The following PGF variants were observed in gnomAD, a reference collection of about 807,000 sequenced individuals.
PGF encodes the protein placental growth factor.
Under a neutral mutation model 25.3 loss-of-function variants are expected in PGF, and 11 were observed. The ratio of observed to expected loss-of-function variants is 0.43; its 90% CI spans 0.27 to 0.72. PGF has a LOEUF of 0.72. Among genes scored for constraint, PGF ranks in the 30% least tolerant of loss-of-function variants. PGF has a pLI of 0.18. For synonymous variants in PGF, 105 were observed against 97.9 expected (o/e 1.07, Z -0.43); for missense variants, 230 against 234.9 (o/e 0.98, Z 0.14).
At position 74,942,713 on chromosome 14, in the gene PGF, C is replaced by G. The variant is rs151145980; in HGVS notation, c.506G>C (p.Arg169Pro). 3 of 1,611,484 alleles carry G rather than the reference C, an allele frequency of 1.9e-6. No individual in the cohort carries two copies. The highest frequency in any genetic ancestry group is 1.1e-5 in the South Asian group (1 of 90,904). The part of the protein sequence containing the change: ...DCHLCGDAVP[R>P]R ...TCTCCTCCAAGGGGTGGGTTACCTC[C>G]GGGGAACAGCATCGCCGCACCTGCC... Residue 169 changes from arginine to proline, a missense_variant, in exon 7 of 7, where the codon CGG becomes CCG. Physicochemically the swap from Arg to Pro is moderately radical, Grantham distance 103. Coordinates refer to ENST00000555567, the MANE Select transcript of PGF (RefSeq NM_002632.6).
chr14:74,949,281 G>A, intron 3 of PGF, 76 bp downstream of exon 3: 2 of 1,229,004 alleles, frequency 1.6e-6, no homozygotes, highest in Middle Eastern at 2.0e-4. Context: ...CCTGGGACCT[G>A]GGCCTATCTT....
chr14:74,954,925 C>CCTCCCTCA lies in PGF; in HGVS notation c.75+242_75+243insTGAGGGAG, dbSNP rs1450869811. Among the ~76,000 whole-genome samples, 247 of 151,538 alleles carry CCTCCCTCA rather than the reference C, an allele frequency of 1.6e-3. 1 individual carries two copies. Among genetic ancestry groups the CCTCCCTCA allele is most frequent in the African/African-American group, 5.6e-3 (231 of 41,352 alleles). On this transcript the variant is annotated intron_variant, in intron 1 of 6. Transcript: ENST00000555567. Reference sequence around the variant, plus strand: ...AGGGCTCCAGGGGCCAGACAGGAAACCTCCCTCCCTCCCTCCCTCCCTGTG... The same window carrying CCTCCCTCA: ...AGGGCTCCAGGGGCCAGACAGGAAACCTCCCTCACTCCCTCCCTCCCTCCCTCCCTGTG...
At position 74,946,813 on chromosome 14, in the gene PGF, G is replaced by A. The variant is rs534200492; in HGVS notation, c.393-405C>T. 118 of 738,022 alleles carry A rather than the reference G, an allele frequency of 1.6e-4. No homozygotes were observed. The East Asian group carries it at 1.9e-3, about 12-fold the overall frequency. The allele number at this position is 738,022 out of a possible 1,614,324, so 45.7% of individuals were successfully genotyped here. A position where few individuals can be genotyped will look rare whatever the true frequency, so the allele number is the denominator to read the frequency against. On this transcript the variant is annotated intron_variant, in intron 4 of 6. Transcript: ENST00000555567. ...GGACAGGAGATGATGGCCAGACAGC[G>A]GACTGGCTGCCTGTCAGGGCACAGC... is the stretch of plus-strand genomic sequence containing the variant.
chr14:74,950,129 T>C lies in PGF; in HGVS notation c.119-576A>G, dbSNP rs1888840298. 6.6e-6 allele frequency among the ~76,000 whole-genome samples: 1 copy of C among 152,094 alleles called. No individual in the cohort carries two copies. The highest frequency in any genetic ancestry group is 1.5e-5 in the Non-Finnish European group (1 of 68,028). On this transcript the variant is annotated intron_variant, in intron 2 of 6. Coordinates refer to ENST00000555567, the MANE Select transcript of PGF (RefSeq NM_002632.6). The surrounding 1 kb of genome is among the most constrained non-coding windows in gnomAD (Gnocchi z 4.1). ...TGAGCCACGGCAGCACCACATTCAC[T>C]CCCAGCTCTGGCTTGTGCACTCTGC...
At chr14:74,949,186 T>A (rs1462117425) in intron 3 of PGF, among the ~76,000 whole-genome samples, 171 bp downstream of exon 3, 1 of 151,954 alleles carries the variant, frequency 6.6e-6, no homozygotes, top group Admixed American at 6.6e-5. Flanking sequence ...TGGAGATGAG[T>A]GGGCTCAGAG....
rs184639262 is a variant in PGF, at chr14:74,950,760, G to T, written c.119-1207C>A. 1.3e-4 allele frequency among the ~76,000 whole-genome samples: 20 copies of T among 152,316 alleles called. No homozygotes were observed. The East Asian group carries it at 2.3e-3, about 18-fold the overall frequency. On this transcript the variant is annotated intron_variant, in intron 2 of 6. Transcript: ENST00000555567. This position sits in a 1 kb window ranked among gnomAD's most constrained non-coding sequence, Gnocchi z 4.1. ...AAGGTCTTTCCCTCTCTGACCAACC[G>T]CCTGTGAATCAGTGCCTGCAACCCA...
intron 1 of PGF, 114 bp from the exon 2 acceptor site, chr14:74,954,060 C>T: frequency 1.1e-6 from 1 of 945,266 alleles, no homozygotes; most frequent in South Asian, 1.4e-5. Context: ...CCACTTGCTG[C>T]ACATGCTCTG....
At chr14:74,944,135 T>G (rs1269587767) in intron 6 of PGF, among the ~76,000 whole-genome samples, 2 of 150,746 alleles carry the variant, frequency 1.3e-5, no homozygotes, top group African/African-American at 4.9e-5. Flanking sequence ...GACGGAGTCT[T>G]GCTCTGTCCC....
intron 5 of PGF, 22 bp downstream of exon 5, chr14:74,946,357 G>A (rs754688394): frequency 5.0e-6 from 8 of 1,613,584 alleles, no homozygotes; most frequent in Non-Finnish European, 6.8e-6. Flanking sequence ...GAATAGCCCC[G>A]AGCCCCAGCC....
chr14:74,949,332 C>G (rs1888816913), intron 3 of PGF, 25 bp downstream of exon 3: 2 of 1,465,246 alleles, frequency 1.4e-6, no homozygotes, highest in Non-Finnish European at 9.1e-7. Flanking sequence ...GATTCGGTGG[C>G]CCCCTGGGCA....
chr14:74,953,135 G>C lies in PGF; in HGVS notation c.118+769C>G, dbSNP rs531516386. Among the ~76,000 whole-genome samples, 2 of 152,318 alleles carry C rather than the reference G, an allele frequency of 1.3e-5. No homozygotes were observed. The highest frequency in any genetic ancestry group is 2.1e-4 in the South Asian group (1 of 4,830). On this transcript the variant is annotated intron_variant, in intron 2 of 6. Coordinates refer to ENST00000555567, the MANE Select transcript of PGF (RefSeq NM_002632.6). The surrounding 1 kb of genome is among the most constrained non-coding windows in gnomAD (Gnocchi z 5.4). ...CAGGCCCGGGAGAGGCGGGCTGCCA[G>C]GCAGGCAGCCCAGCAGAGGGTGTTC...
Position 74,942,068 on chromosome 14 carries a change from G to T in PGF, c.*638C>A. 1 of 153,392 alleles carries T rather than the reference G, an allele frequency of 6.5e-6. No individual in the cohort carries two copies. Among genetic ancestry groups the T allele is most frequent in the Non-Finnish European group, 1.5e-5 (1 of 68,868 alleles). 9.5% of individuals were successfully genotyped at this position (153,392 alleles called of 1,614,324 possible). On this transcript the variant is annotated 3_prime_UTR_variant, in exon 7 of 7. Coordinates refer to ENST00000555567, the MANE Select transcript of PGF (RefSeq NM_002632.6). The stretch of plus-strand genomic sequence containing the variant: ...CACTCTGTATGTGTCTCTTAGGGGG[G>T]GCAGGGTGGTGGCACCTTGGCCGGA...
chr14:74,949,460 T>G lies in PGF; in HGVS notation c.212A>C (p.His71Pro). 6.2e-7 allele frequency: 1 copy of G among 1,612,670 alleles called. No homozygotes were observed. Among genetic ancestry groups the G allele is most frequent in the South Asian group, 1.1e-5 (1 of 90,984 alleles). ...GGAGACACAGGATGGGCTGAACATG[T>G]GCTCCACCTCGCTGGGGTACTCGGA... Reference protein sequence around the residue: ...VVSEYPSEVEHMFSPSCVSLL... With the variant: ...VVSEYPSEVEPMFSPSCVSLL... Residue 71 changes from histidine to proline, a missense_variant, in exon 3 of 7, where the codon CAC becomes CCC. Transcript: ENST00000555567.
chr14:74,954,106 T>A, intron 1 of PGF, 160 bp from the exon 2 acceptor site: 1 of 664,068 alleles, frequency 1.5e-6, no homozygotes, highest in Non-Finnish European at 2.7e-6. Context: ...CACTAAAAAC[T>A]CACTGGACCC....
intron 4 of PGF, chr14:74,947,039 G>C (rs1340636354): frequency 5.1e-6 from 3 of 587,564 alleles, no homozygotes; most frequent in Admixed American, 2.9e-5. Flanking sequence ...ACAGTGGGTA[G>C]AGACATGGGA....
chr14:74,955,399 G>T lies in PGF; in HGVS notation c.-157C>A, dbSNP rs1888967761. 1 of 423,992 alleles carries T rather than the reference G, an allele frequency of 2.4e-6. No homozygotes were observed. Among genetic ancestry groups the T allele is most frequent in the Non-Finnish European group, 4.2e-6 (1 of 236,856 alleles). The allele number at this position is 423,992 out of a possible 1,614,324, so 26.3% of individuals were successfully genotyped here. On this transcript the variant is annotated 5_prime_UTR_variant, in exon 1 of 7. Transcript: ENST00000555567. The surrounding 1 kb of genome is among the most constrained non-coding windows in gnomAD (Gnocchi z 4.1). ...CGGCCGGTGGTTCGAGCATCTTCTG[G>T]AAGCCTTGCGGAGTCAGGAGCCCGT... is the stretch of plus-strand genomic sequence containing the variant.
rs778360122 is a variant in PGF, at chr14:74,955,245, TCTC to T, written c.-6_-4del. The T allele has an allele frequency of 6.9e-6, 10 of 1,455,652 alleles. No individual in the cohort carries two copies. The Admixed American group carries it at 2.1e-4, about 31-fold the overall frequency. The allele number at this position is 1,455,652 out of a possible 1,614,324, so 90.2% of individuals were successfully genotyped here. A position where few individuals can be genotyped will look rare whatever the true frequency, so the allele number is the denominator to read the frequency against. Reference sequence around the variant, plus strand: ...GGGAACAGCCTCATGACCGGCATCTTCTCAGACGTCCCGAGCCAGGGGGCTCCG... The same window carrying T: ...GGGAACAGCCTCATGACCGGCATCTTAGACGTCCCGAGCCAGGGGGCTCCG... On this transcript the variant is annotated 5_prime_UTR_variant, in exon 1 of 7. An upstream open reading frame in the 5' UTR loses its in-frame stop. Coordinates refer to ENST00000555567, the MANE Select transcript of PGF (RefSeq NM_002632.6). This position sits in a 1 kb window ranked among gnomAD's most constrained non-coding sequence, Gnocchi z 4.1.
rs938355269 is a variant in PGF at position 74,953,531 on chromosome 14, C to T, written c.118+373G>A. On this transcript the variant is annotated intron_variant, in intron 2 of 6. Transcript: ENST00000555567. This position sits in a 1 kb window ranked among gnomAD's most constrained non-coding sequence, Gnocchi z 5.4. ...CCTCACCCATTCCTGATCCTCTTGA[C>T]TGCCCACTGCATTCAGCTCCCAGAC... is the stretch of plus-strand genomic sequence containing the variant. 1.3e-5 allele frequency among the ~76,000 whole-genome samples: 2 copies of T among 152,194 alleles called. No homozygotes were observed. Among genetic ancestry groups the T allele is most frequent in the African/African-American group, 2.4e-5 (1 of 41,438 alleles).
At chr14:74,954,776 G>A (rs1382012540) in intron 1 of PGF, among the ~76,000 whole-genome samples, 2 of 152,090 alleles carry the variant, frequency 1.3e-5, no homozygotes, top group Non-Finnish European at 2.9e-5. Flanking sequence ...TGGCTCCTCC[G>A]CCACCCCCAC....
Sources: allele counts gnomAD v4.1 joint callset (sites outside exome capture counted in the v4.1 genomes callset), GRCh38; gene constraint gnomAD v4.1.1; non-coding constraint Gnocchi (gnomAD v3.1); transcripts MANE v1.5; gene names NCBI Gene and HGNC (gene_info 2026-07-23, HGNC 2026-07-21).